Variants in MTERF3 observed in about 807,000 individuals in gnomAD.
The protein encoded by MTERF3 is mitochondrial transcription termination factor 3, also known as transcription termination factor 3, mitochondrial.
In MTERF3, 40 loss-of-function variants were observed where a neutral mutation model predicts 40.5. That is an observed-to-expected ratio of 0.99 (90% CI 0.77 to 1.29). MTERF3 has a LOEUF of 1.29. MTERF3 is among the 50% of genes most tolerant of loss of function. The pLI, the probability that MTERF3 is intolerant of heterozygous loss-of-function variation, is 0.00. For missense variants in MTERF3, 452 were observed against 478.2 expected (o/e 0.95, Z 0.51); for synonymous variants, 158 against 166.6 (o/e 0.95, Z 0.40).
intron 3 of MTERF3, among the ~76,000 whole-genome samples, chr8:96,254,577 G>C (rs1810248226): frequency 6.6e-6 from 1 of 152,146 alleles, no homozygotes; most frequent in African/African-American, 2.4e-5. Flanking sequence ...CAAATAACAG[G>C]ATCTCCTTTT....
chr8:96,250,329 GT>G (rs35632317), intron 4 of MTERF3, among the ~76,000 whole-genome samples: 11,386 of 138,666 alleles, frequency 0.082, 539 homozygotes, highest in Middle Eastern at 0.094. Context: ...TTGTTGATGG[GT>G]TTTTTTTTTT....
intron 1 of MTERF3, 49 bp from the exon 2 acceptor site, chr8:96,258,749 T>A: frequency 7.3e-7 from 1 of 1,367,588 alleles, no homozygotes; most frequent in Non-Finnish European, 1.0e-6. Flanking sequence ...TTAATTTACT[T>A]AAATGTTTAA....
At chr8:96,255,764 A>C (rs1810268151) in intron 3 of MTERF3, among the ~76,000 whole-genome samples, 1 of 152,206 alleles carries the variant, frequency 6.6e-6, no homozygotes, top group African/African-American at 2.4e-5. Flanking sequence ...ACAAAAAATG[A>C]GATCCTTCTT....
In MTERF3 at chr8:96,250,898, A is replaced by G; in HGVS notation, c.677+8T>C. The G allele has an allele frequency of 6.3e-7, 1 of 1,593,028 alleles. No individual in the cohort carries two copies. Among genetic ancestry groups the G allele is most frequent in the Non-Finnish European group, 8.5e-7 (1 of 1,174,900 alleles). The stretch of plus-strand genomic sequence containing the variant: ...TAGGTTATATGAGAATCCTTTTAAA[A>G]GTCCTACCTGGTCTTCAGATTTTCA... On this transcript the variant is annotated splice_region_variant and intron_variant, in intron 4 of 7. Transcript: ENST00000287025.
At chr8:96,245,709 T>C (rs1810007771) in intron 6 of MTERF3, 151 bp downstream of exon 6, 1 of 680,148 alleles carries the variant, frequency 1.5e-6, no homozygotes, top group African/African-American at 1.8e-5. Flanking sequence ...TTGCTAGACA[T>C]TTGTTAAAGA....
In MTERF3 at chr8:96,258,628, A is replaced by C; in HGVS notation, c.63T>G (p.Ile21Met). The C allele has an allele frequency of 1.2e-6, 2 of 1,614,100 alleles. No individual in the cohort carries two copies. The highest frequency in any genetic ancestry group is 1.7e-6 in the Non-Finnish European group (2 of 1,179,948). ...AACGTTTTGTGAGTTGTGCAGCATT[A>C]ATGAGGCTCCTCAACTTAACTGAGT... Reference protein sequence around the residue: ...WFNSVKLRSLINAAQLTKRFT... With the variant: ...WFNSVKLRSLMNAAQLTKRFT... The change falls in exon 2 of 8, where the codon ATT becomes ATG. Residue 21 changes from isoleucine to methionine, a missense_variant. By Grantham distance (10) the Ile-to-Met change is conservative (BLOSUM62 1). Transcript: ENST00000287025.
At chr8:96,260,693 A>C (rs1240930072) in intron 1 of MTERF3, among the ~76,000 whole-genome samples, 1 of 152,234 alleles carries the variant, frequency 6.6e-6, no homozygotes, top group Admixed American at 6.5e-5. Flanking sequence ...ATCTTTGTGC[A>C]TACAACTAAT....
In MTERF3 at chr8:96,245,902, C is replaced by T. The variant is rs139141829; in HGVS notation, c.855G>A (p.Arg285=). The T allele has an allele frequency of 2.2e-5, 36 of 1,613,886 alleles. No individual in the cohort carries two copies. The highest frequency in any genetic ancestry group is 1.6e-4 in the Middle Eastern group (1 of 6,084). Residue 285 remains arginine, a synonymous_variant, in exon 6 of 8, where the codon AGG becomes AGA. Coordinates refer to ENST00000287025, the MANE Select transcript of MTERF3 (RefSeq NM_015942.5). ...KTRDLVVRLP[R]LLTGSLEPVK... is the part of the protein sequence containing the mutation. ...CGGGTTCCAGACTTCCAGTTAGCAGCCTTGGGAGACGAACTACCAGATCTC... is the reference window on the plus strand; with the variant it reads ...CGGGTTCCAGACTTCCAGTTAGCAGTCTTGGGAGACGAACTACCAGATCTC...
At chr8:96,257,292 C>T in intron 2 of MTERF3, 178 bp from the exon 3 acceptor site, 2 of 498,556 alleles carry the variant, frequency 4.0e-6, no homozygotes, top group Non-Finnish European at 6.8e-6. Context: ...ACTATTTAGA[C>T]AGACTAACTA....
chr8:96,251,752 A>G (rs1810189851), intron 3 of MTERF3, among the ~76,000 whole-genome samples: 1 of 151,678 alleles, frequency 6.6e-6, no homozygotes, highest in Non-Finnish European at 1.5e-5. Context: ...TCACACAGTC[A>G]AAAAAAAATC....
In MTERF3 at chr8:96,250,993, TC is replaced by T. The variant is rs1351211172; in HGVS notation, c.589del (p.Asp197MetfsTer4). Reference sequence around the variant, plus strand: ...CAGTTGGTTATCCTCTATACCCACATCTTTAAGAAACAGAAGCATTTGCTTA... The same window carrying T: ...CAGTTGGTTATCCTCTATACCCACATTTTAAGAAACAGAAGCATTTGCTTA... ...DIKQMLLFLK[D>X]VGIEDNQLGA... On this transcript the variant is annotated frameshift_variant, in exon 4 of 8. Transcript: ENST00000287025. LOFTEE classifies it high-confidence loss of function. 2 of 1,606,852 alleles carry T rather than the reference TC, an allele frequency of 1.2e-6. No individual in the cohort carries two copies. Among genetic ancestry groups the T allele is most frequent in the Non-Finnish European group, 1.7e-6 (2 of 1,178,370 alleles).
intron 3 of MTERF3, 78 bp downstream of exon 3, chr8:96,256,879 ATAGAT>A (rs373745463): frequency 5.6e-5 from 73 of 1,297,694 alleles, no homozygotes; most frequent in African/African-American, 4.4e-4. Flanking sequence ...ACTACTTAGT[ATAGAT>A]TAAATTGTTA....
intron 7 of MTERF3, among the ~76,000 whole-genome samples, chr8:96,240,416 A>G (rs141019354): frequency 2.6e-5 from 4 of 152,286 alleles, no homozygotes; most frequent in Middle Eastern, 3.4e-3. Flanking sequence ...ATAAAAATGT[A>G]TAAGATTTCA....
intron 1 of MTERF3, among the ~76,000 whole-genome samples, chr8:96,259,315 G>C (rs1317337643): frequency 2.6e-5 from 4 of 152,150 alleles, no homozygotes; most frequent in African/African-American, 9.7e-5. Flanking sequence ...AGATAAAGCT[G>C]TTCTTCCAAA....
Position 96,239,460 on chromosome 8 carries a change from T to C in MTERF3, c.*31A>G. 1 of 1,475,636 alleles carries C rather than the reference T, an allele frequency of 6.8e-7. No homozygotes were observed. Among genetic ancestry groups the C allele is most frequent in the Non-Finnish European group, 9.2e-7 (1 of 1,086,476 alleles). The allele number at this position is 1,475,636 out of a possible 1,614,324, so 91.4% of individuals were successfully genotyped here. On this transcript the variant is annotated 3_prime_UTR_variant, in exon 8 of 8. Transcript: ENST00000287025. ...CATTTATTCATATATATATTCACTT[T>C]ACAATACTGCATTTTAACATACATA...
At chr8:96,243,881 A>G in intron 7 of MTERF3, 38 bp downstream of exon 7, 3 of 1,593,786 alleles carry the variant, frequency 1.9e-6, no homozygotes, top group African/African-American at 1.3e-5. Context: ...ATGAAGCGCA[A>G]TGGCAGCGCT....
chr8:96,254,915 T>C (rs1257311396), intron 3 of MTERF3, among the ~76,000 whole-genome samples: 1 of 152,084 alleles, frequency 6.6e-6, no homozygotes, highest in East Asian at 1.9e-4. Context: ...CTGAAGAGGG[T>C]CACTCTGTCT....
At chr8:96,250,532 G>C in intron 4 of MTERF3, among the ~76,000 whole-genome samples, 2 of 143,012 alleles carry the variant, frequency 1.4e-5, no homozygotes, top group Non-Finnish European at 3.1e-5. Flanking sequence ...CCAATGTGGC[G>C]AAACCCCATC....
intron 7 of MTERF3, among the ~76,000 whole-genome samples, chr8:96,241,374 C>T (rs1474236709): frequency 6.6e-6 from 1 of 151,450 alleles, no homozygotes; most frequent in Non-Finnish European, 1.5e-5. Flanking sequence ...CACGCCACTG[C>T]ACTCCAGCCT....
Sources: allele counts gnomAD v4.1 joint callset (sites outside exome capture counted in the v4.1 genomes callset), GRCh38; gene constraint gnomAD v4.1.1; transcripts MANE v1.5; gene names NCBI Gene and HGNC (gene_info 2026-07-23, HGNC 2026-07-21).